The following WWOX variants were observed in gnomAD, a reference collection of about 807,000 sequenced individuals.
WWOX encodes the protein WW domain containing oxidoreductase, also known as WW domain-containing oxidoreductase.
Under a neutral mutation model 46.2 loss-of-function variants are expected in WWOX, and 69 were observed. That is an observed-to-expected ratio of 1.49 (90% CI 1.23 to 1.82). The LOEUF (loss-of-function observed/expected upper bound fraction) is 1.82, where lower values mean the gene tolerates loss of function less well. Ranked by LOEUF, WWOX falls within the 40% of genes most tolerant of loss-of-function variation. WWOX has a pLI of 0.00. For synonymous variants in WWOX, 359 were observed against 202.6 expected, an observed-to-expected ratio of 1.77 and a Z score of -6.56; for missense variants, 919 against 542.6, an observed-to-expected ratio of 1.69 and a Z score of -6.89.
chr16:78,900,734 TCTA>T (rs1372418330), intron 8 of WWOX, among the ~76,000 whole-genome samples: 2 of 152,162 alleles, frequency 1.3e-5, no homozygotes, highest in African/African-American at 2.4e-5. Context: ...AAAAAACAAT[TCTA>T]CTAGTACCAC....
chr16:78,522,519 A>C (rs2043371561), intron 8 of WWOX, among the ~76,000 whole-genome samples: 1 of 152,144 alleles, frequency 6.6e-6, no homozygotes, highest in South Asian at 2.1e-4. Flanking sequence ...AGAAGCTGTC[A>C]TATGACCTCC....
intron 5 of WWOX, among the ~76,000 whole-genome samples, chr16:78,262,217 G>A (rs996778160): frequency 5.9e-5 from 9 of 151,798 alleles, no homozygotes; most frequent in African/African-American, 2.2e-4. Context: ...TACTGCTAAT[G>A]GGGCATCTGT....
intron 8 of WWOX, among the ~76,000 whole-genome samples, chr16:78,541,830 C>G (rs1264847077): frequency 6.6e-6 from 1 of 152,032 alleles, no homozygotes; most frequent in Non-Finnish European, 1.5e-5. Flanking sequence ...TAGCTTTTTA[C>G]TGTTTCTGGT....
At chr16:78,444,775 C>A (rs978856997) in intron 8 of WWOX, among the ~76,000 whole-genome samples, 1 of 152,102 alleles carries the variant, frequency 6.6e-6, no homozygotes, top group Non-Finnish European at 1.5e-5. Flanking sequence ...CATGATCCAC[C>A]CGCCTCGGCC....
intron 8 of WWOX, among the ~76,000 whole-genome samples, chr16:78,581,201 G>T (rs1307211357): frequency 2.0e-5 from 3 of 152,126 alleles, no homozygotes; most frequent in African/African-American, 4.8e-5. Flanking sequence ...AAAGGAAAAA[G>T]TTACATATGG....
At chr16:78,782,782 A>G (rs1345067687) in intron 8 of WWOX, among the ~76,000 whole-genome samples, 1 of 151,974 alleles carries the variant, frequency 6.6e-6, no homozygotes, top group African/African-American at 2.4e-5. Flanking sequence ...TATTTTATAA[A>G]TATGTGATGC....
chr16:79,132,272 A>C (rs912278260), intron 8 of WWOX, among the ~76,000 whole-genome samples: 1 of 152,184 alleles, frequency 6.6e-6, no homozygotes. Context: ...ATAAAAAGGC[A>C]GCAGTGGTGA....
chr16:78,613,846 G>A (rs1429711578), intron 8 of WWOX, among the ~76,000 whole-genome samples: 3 of 152,178 alleles, frequency 2.0e-5, no homozygotes, highest in Admixed American at 6.5e-5. Flanking sequence ...AATACACTGC[G>A]TATTCTGTGT....
intron 8 of WWOX, among the ~76,000 whole-genome samples, chr16:78,729,575 T>C (rs2048918106): frequency 6.6e-6 from 1 of 151,938 alleles, no homozygotes; most frequent in African/African-American, 2.4e-5. Flanking sequence ...CCTGGAGCCA[T>C]CAGGTGCTGG....
At chr16:79,202,583 A>C (rs2051378960) in intron 8 of WWOX, 1 of 152,244 alleles carries the variant, frequency 6.6e-6, no homozygotes, top group African/African-American at 2.4e-5. Context: ...GGGGCACTCG[A>C]TTCCGGCAAG....
Position 78,921,970 on chromosome 16 carries a change from A to T in WWOX, c.1057-289638A>T, listed in dbSNP as rs57940421. ...GGAAGAGACAAATGGGGCAAAGTCC[A>T]AGACAAGTACCAGATGTGAAGCTTC... is the stretch of plus-strand genomic sequence containing the variant. On this transcript the variant is annotated intron_variant, in intron 8 of 8. Coordinates refer to ENST00000566780, the MANE Select transcript of WWOX (RefSeq NM_016373.4). Among the ~76,000 whole-genome samples the T allele has an allele frequency of 2.1e-3, 313 of 152,340 alleles. 1 individual carries two copies. Among genetic ancestry groups the T allele is most frequent in the African/African-American group, 7.1e-3 (295 of 41,586 alleles).
intron 8 of WWOX, among the ~76,000 whole-genome samples, chr16:78,805,661 T>G (rs2051015632): frequency 1.3e-5 from 2 of 152,170 alleles, no homozygotes; most frequent in Admixed American, 1.3e-4. Context: ...TAATCACTGT[T>G]AAGACTTAAA....
chr16:78,759,303 A>G (rs1258811839), intron 8 of WWOX, among the ~76,000 whole-genome samples: 1 of 152,224 alleles, frequency 6.6e-6, no homozygotes, highest in Admixed American at 6.5e-5. Context: ...TTGGTGAGAA[A>G]TGAATTCGTA....
chr16:78,954,003 T>A (rs1372704184), intron 8 of WWOX, among the ~76,000 whole-genome samples: 1 of 152,236 alleles, frequency 6.6e-6, no homozygotes, highest in Non-Finnish European at 1.5e-5. Context: ...GAACAACACG[T>A]GGTCTTTGCT....
chr16:78,274,192 A>C (rs989246890), intron 5 of WWOX, among the ~76,000 whole-genome samples: 1 of 152,036 alleles, frequency 6.6e-6, no homozygotes, highest in Non-Finnish European at 1.5e-5. Flanking sequence ...TTCTGATTGC[A>C]ATGAACTCCC....
chr16:78,883,864 A>G (rs930491056), intron 8 of WWOX, among the ~76,000 whole-genome samples: 36 of 152,302 alleles, frequency 2.4e-4, no homozygotes, highest in Non-Finnish European at 4.6e-4. Flanking sequence ...TAATATTCTA[A>G]ACTAAAAAGA....
chr16:78,489,983 G>T (rs931159906), intron 8 of WWOX, among the ~76,000 whole-genome samples: 1 of 152,158 alleles, frequency 6.6e-6, no homozygotes, highest in African/African-American at 2.4e-5. Flanking sequence ...TCTTTTAAAA[G>T]AACATCTGTT....
At chr16:78,232,970 T>A (rs2037317701) in intron 5 of WWOX, among the ~76,000 whole-genome samples, 1 of 152,212 alleles carries the variant, frequency 6.6e-6, no homozygotes, top group African/African-American at 2.4e-5. Context: ...GCCTCCCAAG[T>A]TGCTGGGACT....
intron 8 of WWOX, among the ~76,000 whole-genome samples, chr16:78,909,188 T>C (rs376801502): frequency 1.3e-5 from 2 of 152,224 alleles, no homozygotes; most frequent in African/African-American, 2.4e-5. Context: ...TTCTCCGTTA[T>C]AATTTTTGCA....
Sources: allele counts gnomAD v4.1 joint callset (sites outside exome capture counted in the v4.1 genomes callset), GRCh38; gene constraint gnomAD v4.1.1; transcripts MANE v1.5; gene names NCBI Gene and HGNC (gene_info 2026-07-23, HGNC 2026-07-21).